QTMAN: variants seen among roughly 807,000 people sequenced by gnomAD.
QTMAN encodes queuosine-tRNA mannosyltransferase, also known as tRNA-queuosine alpha-mannosyltransferase.
the QTMAN span, among the ~76,000 whole-genome samples, chr2:144,304,836 A>T: frequency 6.6e-6 from 1 of 152,052 alleles, no homozygotes; most frequent in African/African-American, 2.4e-5. Flanking sequence ...GACGCAGATG[A>T]GAAATTCTGA....
chr2:144,248,482 C>T, the QTMAN span, among the ~76,000 whole-genome samples: 15 of 152,226 alleles, frequency 9.9e-5, no homozygotes, highest in Middle Eastern at 0.01. Context: ...ATTTAAATAG[C>T]GTCACCTAAT....
At chr2:144,114,849 G>A in the QTMAN span, among the ~76,000 whole-genome samples, 4 of 152,258 alleles carry the variant, frequency 2.6e-5, no homozygotes, top group South Asian at 8.3e-4. Context: ...GTATCCCAGA[G>A]GTCTCTGAAT....
chr2:144,049,730 C>A, the QTMAN span, among the ~76,000 whole-genome samples: 1 of 152,050 alleles, frequency 6.6e-6, no homozygotes, highest in Non-Finnish European at 1.5e-5. Flanking sequence ...AGAATTATTG[C>A]GGGGTTCCCA....
chr2:144,296,518 A>C, the QTMAN span, among the ~76,000 whole-genome samples: 8 of 152,252 alleles, frequency 5.3e-5, no homozygotes, highest in Non-Finnish European at 1.2e-4. Flanking sequence ...ATTAAAGTAC[A>C]AAAAATATTC....
the QTMAN span, among the ~76,000 whole-genome samples, chr2:144,189,340 G>A: frequency 1.9e-3 from 288 of 152,288 alleles, 1 homozygote; most frequent in African/African-American, 6.4e-3. Context: ...CTGCAGGGCA[G>A]GGCTATCCCC....
At chr2:144,250,652 C>A in the QTMAN span, among the ~76,000 whole-genome samples, 3 of 150,192 alleles carry the variant, frequency 2.0e-5, no homozygotes, top group Non-Finnish European at 4.4e-5. Context: ...ACCAGACATA[C>A]TAACCTCTTA....
At chr2:143,965,902 G>A in the QTMAN span, among the ~76,000 whole-genome samples, 6 of 152,284 alleles carry the variant, frequency 3.9e-5, no homozygotes, top group South Asian at 2.1e-4. Flanking sequence ...TGCTAGATGC[G>A]TCTTCAGATA....
the QTMAN span, among the ~76,000 whole-genome samples, chr2:143,982,357 A>G: frequency 6.6e-6 from 1 of 151,636 alleles, no homozygotes; most frequent in Non-Finnish European, 1.5e-5. Context: ...CAGCTTACCA[A>G]GTATCTGGGA....
chr2:144,059,822 G>A, the QTMAN span, among the ~76,000 whole-genome samples: 1 of 151,934 alleles, frequency 6.6e-6, no homozygotes, highest in Non-Finnish European at 1.5e-5. Flanking sequence ...TCCCCCTATT[G>A]GCCTTCACTT....
the QTMAN span, among the ~76,000 whole-genome samples, chr2:144,118,218 T>G: frequency 6.6e-6 from 1 of 152,278 alleles, no homozygotes; most frequent in East Asian, 1.9e-4. Flanking sequence ...GTTATTGTCT[T>G]TCAACATTTG....
chr2:144,057,209 C>T, the QTMAN span, among the ~76,000 whole-genome samples: 1 of 152,202 alleles, frequency 6.6e-6, no homozygotes, highest in Non-Finnish European at 1.5e-5. Flanking sequence ...TCCATGGCAA[C>T]TAAGCTGGTA....
At chr2:144,092,870 G>GGGGTGTGTGT in the QTMAN span, among the ~76,000 whole-genome samples, 19 of 140,726 alleles carry the variant, frequency 1.4e-4, no homozygotes, top group East Asian at 1.3e-3. Flanking sequence ...AAACTTTTGG[G>GGGGTGTGTGT]GTGTGTGTGT....
chr2:144,078,984 T>C, the QTMAN span, among the ~76,000 whole-genome samples: 3 of 152,148 alleles, frequency 2.0e-5, no homozygotes, highest in Non-Finnish European at 2.9e-5. Flanking sequence ...ATATTCTTGA[T>C]GTAACAGTGC....
chr2:144,035,822 T>C, the QTMAN span, among the ~76,000 whole-genome samples: 3 of 152,216 alleles, frequency 2.0e-5, no homozygotes, highest in Admixed American at 2.0e-4. Context: ...AGTTAGAGCA[T>C]ATTTACTCTG....
the QTMAN span, among the ~76,000 whole-genome samples, chr2:143,995,910 G>A: frequency 1.2e-4 from 18 of 152,044 alleles, no homozygotes; most frequent in African/African-American, 3.9e-4. Flanking sequence ...TTTAAAAATC[G>A]AACTCCCCAA....
At chr2:144,004,993 G>A in the QTMAN span, among the ~76,000 whole-genome samples, 1 of 151,940 alleles carries the variant, frequency 6.6e-6, no homozygotes, top group African/African-American at 2.4e-5. Context: ...ATGGTTATGG[G>A]CACACAATAG....
chr2:144,083,986 C>A, the QTMAN span, among the ~76,000 whole-genome samples: 1 of 152,122 alleles, frequency 6.6e-6, no homozygotes, highest in Admixed American at 6.5e-5. Flanking sequence ...TTATTTTTTA[C>A]TTCTGATAAT....
chr2:143,977,865 A>G, the QTMAN span, among the ~76,000 whole-genome samples: 1 of 152,168 alleles, frequency 6.6e-6, no homozygotes, highest in Non-Finnish European at 1.5e-5. Flanking sequence ...TTCAAAACTC[A>G]AAGTCCATGA....
At chr2:144,320,234 G>C in the QTMAN span, among the ~76,000 whole-genome samples, 1 of 152,102 alleles carries the variant, frequency 6.6e-6, no homozygotes, top group Non-Finnish European at 1.5e-5. Context: ...AACTTGAGTA[G>C]GTGCAACAGA....
Sources: allele counts gnomAD v4.1 joint callset (sites outside exome capture counted in the v4.1 genomes callset), GRCh38; gene constraint gnomAD v4.1.1; transcripts MANE v1.5; gene names NCBI Gene and HGNC (gene_info 2026-07-23, HGNC 2026-07-21).